The following ZNF302 variants were observed in gnomAD, a reference collection of about 807,000 sequenced individuals.
The protein encoded by ZNF302 is zinc finger protein 327.
A neutral mutation model predicts 10.8 loss-of-function variants in ZNF302; 12 were observed. The ratio of observed to expected loss-of-function variants is 1.11; its 90% CI spans 0.71 to 1.79. The LOEUF is 1.79. Among genes scored for constraint, ZNF302 ranks in the 40% most tolerant of loss-of-function variants. The pLI, the probability that ZNF302 is intolerant of heterozygous loss-of-function variation, is 0.00. For synonymous variants in ZNF302, 178 were observed against 157.5 expected, an observed-to-expected ratio of 1.13 and a Z score of -0.98; for missense variants, 461 against 471.1, an observed-to-expected ratio of 0.98 and a Z score of 0.20.
At chr19:34,676,398 G>A (rs1327217054), upstream of ZNF302, 1 of 152,174 alleles carries the variant, frequency 6.6e-6, no homozygotes, top group East Asian at 1.9e-4. Context: ...TACCCTGTAT[G>A]GTTCAAAAAG....
upstream of ZNF302, chr19:34,676,620 A>AT (rs933067163): frequency 2.6e-5 from 4 of 151,822 alleles, no homozygotes; most frequent in East Asian, 1.9e-4. Context: ...TCTCCCATGG[A>AT]TTTTTTCTTG....
Position 34,685,385 on chromosome 19 carries a change from G to C in ZNF302, c.*148G>C. 2 of 1,611,652 alleles carry C rather than the reference G, an allele frequency of 1.2e-6. No homozygotes were observed. The highest frequency in any genetic ancestry group is 1.7e-6 in the Non-Finnish European group (2 of 1,177,890). The stretch of plus-strand genomic sequence containing the variant: ...TCAACATCACAGTATTCATACTGGA[G>C]AGAAACCTTACGAATGTATTAAATG... On this transcript the variant is annotated 3_prime_UTR_variant, in exon 5 of 5. Transcript: ENST00000505242.
chr19:34,677,564 CAG>C (rs2145224028), upstream of ZNF302: 1 of 152,460 alleles, frequency 6.6e-6, no homozygotes, highest in South Asian at 2.1e-4. Flanking sequence ...CGCGCAGCCG[CAG>C]AGACCCTTGG....
intron 1 of ZNF302, among the ~76,000 whole-genome samples, 199 bp from the exon 2 acceptor site, chr19:34,678,538 T>C (rs1481450750): frequency 6.6e-6 from 1 of 152,202 alleles, no homozygotes; most frequent in African/African-American, 2.4e-5. Context: ...GAGTCTTTTG[T>C]ATACAGAATA....
chr19:34,684,835 T>C lies in ZNF302; in HGVS notation c.798T>C (p.Phe266=), dbSNP rs765688946. ...AATGCATTGAATGTGGGAAGGCCTT[T>C]AGCCATGGCTCATCACTTACTAACC... ...PYKCIECGKA[F]SHGSSLTNHQ... Residue 266 remains phenylalanine, a synonymous_variant, in exon 5 of 5, where the codon TTT becomes TTC. Coordinates refer to ENST00000505242, the MANE Select transcript of ZNF302 (RefSeq NM_001289187.2). The C allele has an allele frequency of 5.7e-5, 92 of 1,613,698 alleles. No homozygotes were observed. Among genetic ancestry groups the C allele is most frequent in the African/African-American group, 2.1e-4 (16 of 74,920 alleles).
upstream of ZNF302, chr19:34,676,193 A>C (rs1390528787): frequency 6.6e-6 from 1 of 152,188 alleles, no homozygotes; most frequent in East Asian, 1.9e-4. Flanking sequence ...ACAAACCTTT[A>C]GCTAGACACA....
chr19:34,677,529 C>T (rs2290656), upstream of ZNF302: 21,247 of 152,308 alleles, frequency 0.14, 1,567 homozygotes, highest in East Asian at 0.22. Context: ...AAGCCGTGAC[C>T]GGTTTGCCCG....
intron 2 of ZNF302, chr19:34,681,415 T>A (rs1385094876): frequency 6.6e-6 from 1 of 152,260 alleles, no homozygotes; most frequent in Non-Finnish European, 1.5e-5. Context: ...CTACTCTTAT[T>A]TTTTTCCCCT....
intron 2 of ZNF302, chr19:34,682,549 C>T (rs1311946793): frequency 4.6e-6 from 2 of 437,206 alleles, no homozygotes; most frequent in African/African-American, 4.1e-5. Context: ...TCATATTTGT[C>T]TCTCATTCTT....
rs2068544378 is a variant in ZNF302, at chr19:34,684,486, A to G, written c.449A>G (p.Asp150Gly). 1 of 1,612,728 alleles carries G rather than the reference A, an allele frequency of 6.2e-7. No homozygotes were observed. Among genetic ancestry groups the G allele is most frequent in the Non-Finnish European group, 8.5e-7 (1 of 1,179,204 alleles). ...NSAEGNSHKY[D>G]ILKKNLSKKS... ...GCTGAAGGGAATTCACACAAATATG[A>G]TATATTAAAGAAGAATTTATCAAAA... Residue 150 changes from aspartate (D) to glycine (G), a missense_variant, in exon 5 of 5, where the codon GAT (aspartate) becomes GGT (glycine). By Grantham distance (94) the Asp-to-Gly change is moderately conservative (BLOSUM62 -1). Transcript: ENST00000505242.
intron 2 of ZNF302, 80 bp from the exon 3 acceptor site, chr19:34,682,697 A>G: frequency 3.2e-6 from 5 of 1,583,966 alleles, no homozygotes; most frequent in Non-Finnish European, 4.3e-6. Context: ...TTTCTTCCAC[A>G]AGCAGGCTAA....
chr19:34,683,930 C>T, intron 4 of ZNF302: 1 of 1,224,036 alleles, frequency 8.2e-7, no homozygotes, highest in South Asian at 3.0e-5. Context: ...ATCCTGAATG[C>T]CTTCCACATC....
intron 4 of ZNF302, 81 bp from the exon 5 acceptor site, chr19:34,684,171 T>TTA: frequency 1.1e-6 from 1 of 876,860 alleles, no homozygotes; most frequent in Non-Finnish European, 1.4e-6. Flanking sequence ...TTTCAAGAAG[T>TTA]AAAAAAAAAA....
At chr19:34,680,019 AG>A in intron 2 of ZNF302, 1 of 682,314 alleles carries the variant, frequency 1.5e-6, no homozygotes, top group Non-Finnish European at 2.7e-6. Context: ...TAAGATAATT[AG>A]AATTGAAAAA....
upstream of ZNF302, chr19:34,677,430 G>A (rs145970960): frequency 3.1e-4 from 48 of 152,428 alleles, no homozygotes; most frequent in African/African-American, 1.1e-3. Flanking sequence ...TCGTTCACCA[G>A]AGGACGACTG....
At position 34,685,109 on chromosome 19, in the gene ZNF302, C is replaced by T. The variant is rs772387913; in HGVS notation, c.1072C>T (p.Gln358Ter). 1 of 1,612,730 alleles carries T rather than the reference C, an allele frequency of 6.2e-7. No homozygotes were observed. The highest frequency in any genetic ancestry group is 1.1e-5 in the South Asian group (1 of 90,806). Residue 358 changes from glutamine to a stop codon, truncating the protein, a stop_gained, in exon 5 of 5, where the codon CAA becomes TAA. Transcript: ENST00000505242. LOFTEE classifies it low-confidence loss of function (END_TRUNC). ...KAFCCSSHLT[Q>*]HQRIHSMKKK... The stretch of plus-strand genomic sequence containing the variant: ...TTTCTGCTGTAGCTCACACCTTACT[C>T]AACATCAAAGAATTCACAGTATGAA...
chr19:34,681,102 C>G (rs2068319236), intron 2 of ZNF302, among the ~76,000 whole-genome samples: 1 of 152,048 alleles, frequency 6.6e-6, no homozygotes, highest in Non-Finnish European at 1.5e-5. Context: ...AACCAAAGAT[C>G]CATGTCACTG....
At chr19:34,679,705 C>A in intron 2 of ZNF302, 2 of 558,772 alleles carry the variant, frequency 3.6e-6, no homozygotes, top group Non-Finnish European at 6.3e-6. Flanking sequence ...TCCATCACTG[C>A]TTTGTTGTTT....
Position 34,684,630 on chromosome 19 carries a change from A to G in ZNF302, c.593A>G (p.Glu198Gly), listed in dbSNP as rs1173042733. Residue 198 changes from glutamate to glycine, a missense_variant, in exon 5 of 5, where the codon GAG becomes GGG. Transcript: ENST00000505242. ...SLTLPQTCNR[E>G]KIYTCSECGK... ...ACCCTTCCCCAGACTTGTAATAGAG[A>G]GAAAATCTATACATGCAGTGAATGT... The G allele has an allele frequency of 1.9e-6, 3 of 1,613,982 alleles. No homozygotes were observed. Among genetic ancestry groups the G allele is most frequent in the African/African-American group, 2.7e-5 (2 of 74,920 alleles).
Sources: gnomAD v4.1 joint callset for allele counts (sites outside exome capture counted in the v4.1 genomes callset) on GRCh38, gnomAD v4.1.1 for gene constraint, MANE v1.5 for transcripts, NCBI Gene and HGNC (gene_info 2026-07-23, HGNC 2026-07-21) for gene names.